Variants in PTPRT observed in about 807,000 individuals in gnomAD.
The protein encoded by PTPRT is receptor-type tyrosine-protein phosphatase T.
Under a neutral mutation model 176.8 loss-of-function variants are expected in PTPRT, and 56 were observed. The ratio of observed to expected loss-of-function variants is 0.32; its 90% CI spans 0.26 to 0.40. PTPRT has a LOEUF of 0.40. PTPRT is among the 10% of genes least tolerant of loss of function. The probability of loss-of-function intolerance (pLI) is 1.00; values close to 1 mark genes in which losing one functional copy is unlikely to be tolerated. For missense variants in PTPRT, 1,540 were observed against 1,908.2 expected (o/e 0.81, Z 3.60); for synonymous variants, 783 against 739.0 (o/e 1.06, Z -0.96).
At chr20:42,762,697 A>G (rs1324019603) in intron 5 of PTPRT, among the ~76,000 whole-genome samples, 2 of 152,216 alleles carry the variant, frequency 1.3e-5, no homozygotes, top group African/African-American at 2.4e-5. Flanking sequence ...CTACATATCT[A>G]TGGAGCTGCA....
intron 17 of PTPRT, among the ~76,000 whole-genome samples, chr20:42,149,525 G>A (rs1989029130): frequency 6.6e-6 from 1 of 151,602 alleles, no homozygotes; most frequent in Non-Finnish European, 1.5e-5. Flanking sequence ...CTGGGTTCAA[G>A]TGATTCTCCC....
At chr20:42,417,429 T>C (rs1195867002) in intron 9 of PTPRT, among the ~76,000 whole-genome samples, 1 of 152,030 alleles carries the variant, frequency 6.6e-6, no homozygotes, top group Non-Finnish European at 1.5e-5. Flanking sequence ...TGTTTCGTTG[T>C]TTCCCTGCAA....
At chr20:42,714,308 G>A (rs1449876945) in intron 6 of PTPRT, among the ~76,000 whole-genome samples, 1 of 152,162 alleles carries the variant, frequency 6.6e-6, no homozygotes, top group Admixed American at 6.5e-5. Context: ...TCACTTTACT[G>A]TCATCTGGCA....
At position 42,698,260 on chromosome 20, in the gene PTPRT, G is replaced by A. The variant is rs554880112; in HGVS notation, c.860-20101C>T. 2.0e-5 allele frequency among the ~76,000 whole-genome samples: 3 copies of A among 152,264 alleles called. No individual in the cohort carries two copies. The East Asian group carries it at 5.8e-4, about 29-fold the overall frequency. ...ATGTGAGCACATTTAGGGGTTTTAAGGTCAATTCAAAAGCTAAAGTAACCA... is the reference window on the plus strand; with the variant it reads ...ATGTGAGCACATTTAGGGGTTTTAAAGTCAATTCAAAAGCTAAAGTAACCA... On this transcript the variant is annotated intron_variant, in intron 6 of 30. Coordinates refer to ENST00000373187, the MANE Select transcript of PTPRT (RefSeq NM_007050.6).
intron 6 of PTPRT, among the ~76,000 whole-genome samples, chr20:42,748,107 T>A (rs928471035): frequency 4.6e-5 from 7 of 151,768 alleles, no homozygotes; most frequent in African/African-American, 1.7e-4. Flanking sequence ...GCATATTTTT[T>A]ATGGCTGTTT....
intron 7 of PTPRT, among the ~76,000 whole-genome samples, chr20:42,499,713 A>G (rs925169726): frequency 6.6e-6 from 1 of 152,188 alleles, no homozygotes; most frequent in Non-Finnish European, 1.5e-5. Context: ...TCTGGGCTGC[A>G]TGATGCGTCT....
intron 9 of PTPRT, among the ~76,000 whole-genome samples, chr20:42,438,818 G>T (rs1257399903): frequency 5.9e-5 from 9 of 152,184 alleles, no homozygotes; most frequent in Non-Finnish European, 1.0e-4. Flanking sequence ...CACATCTGTT[G>T]ATTTCCACTG....
intron 1 of PTPRT, among the ~76,000 whole-genome samples, chr20:42,911,980 T>C (rs1568676202): frequency 1.3e-5 from 2 of 150,144 alleles, no homozygotes; most frequent in African/African-American, 4.9e-5. Context: ...TCTTTTCTTT[T>C]TTTTTTTTTT....
chr20:42,609,018 T>TCCCAGACACCCACC (rs1353860311), intron 7 of PTPRT, among the ~76,000 whole-genome samples: 2 of 152,064 alleles, frequency 1.3e-5, no homozygotes, highest in Non-Finnish European at 2.9e-5. Flanking sequence ...AATACCCTAG[T>TCCCAGACACCCACC]CCCAGACACC....
At position 42,934,230 on chromosome 20, in the gene PTPRT, G is replaced by A. The variant is rs185616932; in HGVS notation, c.89-48298C>T. Among the ~76,000 whole-genome samples, 17 of 152,304 alleles carry A rather than the reference G, an allele frequency of 1.1e-4. No individual in the cohort carries two copies. In the East Asian group the frequency reaches 2.3e-3, roughly 21 times the overall value. Reference sequence around the variant, plus strand: ...TTGCAGTGCCATGAATGCCTCAAACGAGAGACAGAGAAAGAGAAAGAGAAG... The same window carrying A: ...TTGCAGTGCCATGAATGCCTCAAACAAGAGACAGAGAAAGAGAAAGAGAAG... On this transcript the variant is annotated intron_variant, in intron 1 of 30. Coordinates refer to ENST00000373187, the MANE Select transcript of PTPRT (RefSeq NM_007050.6).
intron 1 of PTPRT, among the ~76,000 whole-genome samples, chr20:43,020,799 A>T (rs927408916): frequency 3.9e-5 from 6 of 152,208 alleles, no homozygotes; most frequent in African/African-American, 1.4e-4. Flanking sequence ...TATGTAATCA[A>T]TGCTTCATAT....
chr20:42,124,718 C>T (rs972530647), intron 19 of PTPRT, among the ~76,000 whole-genome samples: 41 of 152,232 alleles, frequency 2.7e-4, no homozygotes, highest in African/African-American at 9.9e-4. Flanking sequence ...GCCAGGAATC[C>T]CTATAGAGAC....
At chr20:43,181,556 T>C (rs1212825654) in intron 1 of PTPRT, among the ~76,000 whole-genome samples, 5 of 152,220 alleles carry the variant, frequency 3.3e-5, no homozygotes. Flanking sequence ...TATGGCAATG[T>C]GGCAAAATTC....
At chr20:42,901,262 G>C (rs2079399904) in intron 1 of PTPRT, among the ~76,000 whole-genome samples, 1 of 152,126 alleles carries the variant, frequency 6.6e-6, no homozygotes, top group Non-Finnish European at 1.5e-5. Flanking sequence ...ACGACCTGGT[G>C]TTGGGTCTGT....
At chr20:42,198,353 C>G (rs535409997) in intron 16 of PTPRT, among the ~76,000 whole-genome samples, 1 of 152,242 alleles carries the variant, frequency 6.6e-6, no homozygotes, top group South Asian at 2.1e-4. Flanking sequence ...CCCCATCATC[C>G]CAAACTGATC....
intron 3 of PTPRT, among the ~76,000 whole-genome samples, chr20:42,786,982 C>T (rs1025479687): frequency 6.6e-6 from 1 of 152,186 alleles, no homozygotes; most frequent in East Asian, 1.9e-4. Flanking sequence ...CAGCCCACCA[C>T]CTGTTTTTGC....
chr20:42,538,956 T>G (rs1474749607), intron 7 of PTPRT, among the ~76,000 whole-genome samples: 4 of 152,196 alleles, frequency 2.6e-5, no homozygotes, highest in African/African-American at 7.2e-5. Context: ...ATGTCACCAA[T>G]CCATGCAACT....
At chr20:43,050,881 T>TCC (rs761658153) in intron 1 of PTPRT, among the ~76,000 whole-genome samples, 2 of 152,086 alleles carry the variant, frequency 1.3e-5, no homozygotes, top group African/African-American at 2.4e-5. Flanking sequence ...GCATATCCCA[T>TCC]CTCCTGGGTG....
chr20:43,060,575 C>A (rs572999366), intron 1 of PTPRT, among the ~76,000 whole-genome samples: 1 of 152,174 alleles, frequency 6.6e-6, no homozygotes, highest in African/African-American at 2.4e-5. Context: ...ATTTTTAATT[C>A]GGCTTTATTA....
Sources: gnomAD v4.1 joint callset for allele counts (sites outside exome capture counted in the v4.1 genomes callset) on GRCh38, gnomAD v4.1.1 for gene constraint, MANE v1.5 for transcripts, NCBI Gene and HGNC (gene_info 2026-07-23, HGNC 2026-07-21) for gene names.